Variants in CDK14 observed in about 807,000 individuals in gnomAD.
CDK14 encodes the protein cyclin dependent kinase 14.
A neutral mutation model predicts 60.7 loss-of-function variants in CDK14; 34 were observed. The observed-to-expected ratio is 0.56, with a 90% CI of 0.43 to 0.75. The LOEUF (loss-of-function observed/expected upper bound fraction) is 0.75, where lower values mean the gene tolerates loss of function less well. CDK14 is among the 30% of genes least tolerant of loss of function. The probability of loss-of-function intolerance (pLI) is 0.00; values close to 1 mark genes in which losing one functional copy is unlikely to be tolerated. For missense variants in CDK14, 482 were observed against 564.1 expected, an observed-to-expected ratio of 0.85 and a Z score of 1.47; for synonymous variants, 197 against 203.7, an observed-to-expected ratio of 0.97 and a Z score of 0.28.
At chr7:91,147,745 C>T (rs563766860) in intron 14 of CDK14, among the ~76,000 whole-genome samples, 47 of 152,260 alleles carry the variant, frequency 3.1e-4, no homozygotes, top group African/African-American at 1.1e-3. Flanking sequence ...CCCCCTCCCC[C>T]CCATTAAAGC....
intron 8 of CDK14, among the ~76,000 whole-genome samples, chr7:90,949,913 G>A (rs1446057267): frequency 1.3e-5 from 2 of 152,248 alleles, no homozygotes; most frequent in South Asian, 2.1e-4. Flanking sequence ...TCCTCAGGGC[G>A]CCCAATTTTC....
At chr7:91,085,816 A>G (rs1476545762) in intron 12 of CDK14, among the ~76,000 whole-genome samples, 1 of 152,194 alleles carries the variant, frequency 6.6e-6, no homozygotes, top group East Asian at 1.9e-4. Context: ...ATCAGTTTTT[A>G]TCTCTAGCAC....
In CDK14 at chr7:91,041,971, T is replaced by C. The variant is rs74747561; in HGVS notation, c.1042-3926T>C. ...CTGAGGACCACAATGCGTAGACAGA[T>C]GAGTAATCTAGCAATTACCGGGTAG... On this transcript the variant is annotated intron_variant, in intron 10 of 14. Coordinates refer to ENST00000380050, the MANE Select transcript of CDK14 (RefSeq NM_001287135.2). Among the ~76,000 whole-genome samples, 486 of 152,266 alleles carry C rather than the reference T, an allele frequency of 3.2e-3. 5 individuals are homozygous for C. Among genetic ancestry groups the C allele is most frequent in the East Asian group, 0.031 (158 of 5,178 alleles).
At chr7:90,811,289 A>C (rs974400712) in intron 5 of CDK14, among the ~76,000 whole-genome samples, 1 of 152,056 alleles carries the variant, frequency 6.6e-6, no homozygotes, top group Non-Finnish European at 1.5e-5. Context: ...ATGGAACAGA[A>C]CAGAGCCCTC....
chr7:90,747,884 T>G, intron 4 of CDK14, 109 bp downstream of exon 4: 6 of 352,408 alleles, frequency 1.7e-5, no homozygotes, highest in Non-Finnish European at 2.4e-5. Flanking sequence ...TAGATTTTCC[T>G]CCCTCACGGT....
At chr7:90,832,953 C>T (rs1789961764) in intron 5 of CDK14, among the ~76,000 whole-genome samples, 1 of 152,192 alleles carries the variant, frequency 6.6e-6, no homozygotes, top group South Asian at 2.1e-4. Context: ...TGCATGATCT[C>T]TTCTCATGCT....
chr7:90,845,978 C>G (rs1790458527), intron 5 of CDK14, among the ~76,000 whole-genome samples: 2 of 152,078 alleles, frequency 1.3e-5, no homozygotes, highest in Non-Finnish European at 2.9e-5. Flanking sequence ...CAGAGGCCCA[C>G]CTTTTATTTA....
chr7:90,659,838 TCTC>T (rs1563034320), intron 2 of CDK14, among the ~76,000 whole-genome samples: 3 of 41,846 alleles, frequency 7.2e-5, no homozygotes, highest in Middle Eastern at 0.012. Context: ...AGGGAATGCT[TCTC>T]TCTCTCTCTC....
At chr7:90,992,742 C>G (rs1219231099) in intron 10 of CDK14, among the ~76,000 whole-genome samples, 3 of 152,120 alleles carry the variant, frequency 2.0e-5, no homozygotes, top group Non-Finnish European at 4.4e-5. Flanking sequence ...AATTCTCATG[C>G]CTGCATATGT....
At chr7:90,935,988 G>C (rs557998301) in intron 8 of CDK14, among the ~76,000 whole-genome samples, 3 of 151,792 alleles carry the variant, frequency 2.0e-5, no homozygotes, top group African/African-American at 7.3e-5. Context: ...GCTGCAGTGA[G>C]TCATGATTTT....
At chr7:90,836,300 AAT>A (rs1339311346) in intron 5 of CDK14, among the ~76,000 whole-genome samples, 10 of 152,314 alleles carry the variant, frequency 6.6e-5, no homozygotes, top group African/African-American at 1.9e-4. Context: ...ATGTACAAAA[AAT>A]ATCTTTTTTC....
At chr7:91,181,043 G>A (rs527650098) in intron 14 of CDK14, among the ~76,000 whole-genome samples, 2 of 152,100 alleles carry the variant, frequency 1.3e-5, no homozygotes, top group Admixed American at 6.5e-5. Context: ...AATACCATCC[G>A]TTTTAAACCT....
chr7:91,104,758 G>A, intron 12 of CDK14, among the ~76,000 whole-genome samples: 1 of 152,176 alleles, frequency 6.6e-6, no homozygotes, highest in Non-Finnish European at 1.5e-5. Flanking sequence ...TAGACATTGT[G>A]TGGTGAAAAA....
chr7:90,660,321 A>G (rs1417403458), intron 2 of CDK14, among the ~76,000 whole-genome samples: 1 of 152,184 alleles, frequency 6.6e-6, no homozygotes, highest in Non-Finnish European at 1.5e-5. Flanking sequence ...GTATCTATTT[A>G]CTAACTCAAA....
At chr7:90,843,069 G>GTA (rs781410274) in intron 5 of CDK14, among the ~76,000 whole-genome samples, 12 of 152,154 alleles carry the variant, frequency 7.9e-5, no homozygotes, top group Non-Finnish European at 1.8e-4. Flanking sequence ...CTTGCTTGAT[G>GTA]TAGGTACATG....
chr7:90,601,541 A>T (rs768784458), intron 1 of CDK14, among the ~76,000 whole-genome samples: 1 of 152,214 alleles, frequency 6.6e-6, no homozygotes, highest in Non-Finnish European at 1.5e-5. Flanking sequence ...TCATTATGTC[A>T]TAGCAAATAC....
rs10710645 is a variant in CDK14, at chr7:91,015,521, GTTTTTTT to G, written c.1042-30358_1042-30352del. Among the ~76,000 whole-genome samples the G allele has an allele frequency of 6.4e-5, 5 of 77,678 alleles. No individual in the cohort carries two copies. The East Asian group carries it at 1.0e-3, about 16-fold the overall frequency. The allele number at this position is 77,678 out of a possible 152,430, so 51.0% of individuals were successfully genotyped here. The stretch of plus-strand genomic sequence containing the variant: ...CCTACCCCAGCAGAGTATGTCTTGG[GTTTTTTT>G]TTTTTTTTTTTTTTTTTGAGACTGT... On this transcript the variant is annotated intron_variant, in intron 10 of 14. Transcript: ENST00000380050.
At chr7:90,670,322 G>A (rs1324909305) in intron 2 of CDK14, among the ~76,000 whole-genome samples, 1 of 152,176 alleles carries the variant, frequency 6.6e-6, no homozygotes, top group African/African-American at 2.4e-5. Context: ...AGAAGGTATT[G>A]TAGCCTAGAT....
intron 4 of CDK14, among the ~76,000 whole-genome samples, chr7:90,767,799 CG>C (rs1232687928): frequency 2.6e-5 from 4 of 152,036 alleles, no homozygotes; most frequent in Non-Finnish European, 5.9e-5. Flanking sequence ...TTTTCTAATA[CG>C]TTTTTGAGTA....
Sources: gnomAD v4.1 joint callset for allele counts (sites outside exome capture counted in the v4.1 genomes callset) on GRCh38, gnomAD v4.1.1 for gene constraint, MANE v1.5 for transcripts, NCBI Gene and HGNC (gene_info 2026-07-23, HGNC 2026-07-21) for gene names.